The following NKAIN2 variants were observed in gnomAD, a reference collection of about 807,000 sequenced individuals.
NKAIN2 encodes sodium/potassium transporting ATPase interacting 2.
A neutral mutation model predicts 32.6 loss-of-function variants in NKAIN2; 14 were observed. That is an observed-to-expected ratio of 0.43 (90% CI 0.28 to 0.67). NKAIN2 has a LOEUF of 0.67. NKAIN2 is among the 30% of genes least tolerant of loss of function. NKAIN2 has a pLI of 0.17. For synonymous variants in NKAIN2, 80 were observed against 87.2 expected (o/e 0.92, Z 0.46); for missense variants, 198 against 258.3 (o/e 0.77, Z 1.60).
intron 1 of NKAIN2, among the ~76,000 whole-genome samples, chr6:124,217,526 A>C (rs1015378918): frequency 1.3e-5 from 2 of 152,030 alleles, no homozygotes; most frequent in African/African-American, 2.4e-5. Flanking sequence ...ATTGTATTTT[A>C]TGTCATTGAT....
chr6:124,739,539 C>T (rs538958541), intron 4 of NKAIN2, among the ~76,000 whole-genome samples: 42 of 151,912 alleles, frequency 2.8e-4, no homozygotes, highest in African/African-American at 8.2e-4. Flanking sequence ...GAGATGTTAC[C>T]TGATAAAGAT....
intron 3 of NKAIN2, among the ~76,000 whole-genome samples, chr6:124,502,613 C>G (rs1778336262): frequency 6.6e-6 from 1 of 152,158 alleles, no homozygotes; most frequent in Non-Finnish European, 1.5e-5. Flanking sequence ...TTCATGATAT[C>G]AGCTGGTATA....
intron 1 of NKAIN2, among the ~76,000 whole-genome samples, chr6:124,203,505 A>T (rs1171911572): frequency 1.3e-5 from 2 of 151,856 alleles, no homozygotes; most frequent in Admixed American, 6.6e-5. Context: ...AATTTTTAAA[A>T]TTTTTTTCCA....
At chr6:124,444,485 TAA>T (rs1775812071) in intron 3 of NKAIN2, among the ~76,000 whole-genome samples, 1 of 152,032 alleles carries the variant, frequency 6.6e-6, no homozygotes, top group South Asian at 2.1e-4. Context: ...AATATGCCTT[TAA>T]ACATAAGACA....
At chr6:124,646,460 TAGAA>T (rs1784172493) in intron 3 of NKAIN2, among the ~76,000 whole-genome samples, 4 of 151,924 alleles carry the variant, frequency 2.6e-5, no homozygotes, top group Non-Finnish European at 4.4e-5. Context: ...CCTGTAGTAA[TAGAA>T]AGAGTGGAAG....
chr6:124,689,472 T>C (rs1014592275), intron 4 of NKAIN2, among the ~76,000 whole-genome samples: 4 of 152,146 alleles, frequency 2.6e-5, no homozygotes, highest in African/African-American at 9.7e-5. Context: ...ATGAAAAGCA[T>C]CTTGTTAATT....
chr6:123,859,765 A>G (rs1430392595), intron 1 of NKAIN2, among the ~76,000 whole-genome samples: 1 of 152,130 alleles, frequency 6.6e-6, no homozygotes, highest in Non-Finnish European at 1.5e-5. Context: ...ATCTTGGCTC[A>G]TTGCAACCTC....
chr6:123,910,761 C>T (rs1190109446), intron 1 of NKAIN2, among the ~76,000 whole-genome samples: 2 of 151,906 alleles, frequency 1.3e-5, no homozygotes, highest in Non-Finnish European at 2.9e-5. Context: ...GCCTTAGCCT[C>T]CCAAAGTGCT....
intron 4 of NKAIN2, among the ~76,000 whole-genome samples, chr6:124,789,105 G>T (rs2114802438): frequency 6.6e-6 from 1 of 152,158 alleles, no homozygotes; most frequent in South Asian, 2.1e-4. Context: ...TAAGCAGAAT[G>T]CAGTGCAGTG....
At chr6:124,125,159 A>G (rs1786095875) in intron 1 of NKAIN2, among the ~76,000 whole-genome samples, 1 of 152,106 alleles carries the variant, frequency 6.6e-6, no homozygotes, top group East Asian at 1.9e-4. Flanking sequence ...TAAATAAACA[A>G]ATGTATACAA....
intron 1 of NKAIN2, among the ~76,000 whole-genome samples, chr6:123,956,673 C>T (rs1300135694): frequency 6.6e-6 from 1 of 152,146 alleles, no homozygotes; most frequent in Admixed American, 6.5e-5. Flanking sequence ...GTGGGGATAT[C>T]CCCTCCATTG....
At chr6:124,299,555 A>G (rs912620717) in intron 2 of NKAIN2, among the ~76,000 whole-genome samples, 3 of 152,180 alleles carry the variant, frequency 2.0e-5, no homozygotes, top group Non-Finnish European at 4.4e-5. Context: ...AGGAAGATAA[A>G]AACATTTATT....
intron 1 of NKAIN2, among the ~76,000 whole-genome samples, chr6:124,046,494 A>G (rs1370849553): frequency 6.6e-6 from 1 of 152,030 alleles, no homozygotes. Context: ...AGAGTTTCCC[A>G]AACTCTTTTG....
At chr6:124,311,336 G>A (rs1796703143) in intron 2 of NKAIN2, among the ~76,000 whole-genome samples, 1 of 152,048 alleles carries the variant, frequency 6.6e-6, no homozygotes, top group Non-Finnish European at 1.5e-5. Flanking sequence ...TACACAAGGA[G>A]GAAAATGCCA....
At chr6:124,177,113 A>G (rs1389859613) in intron 1 of NKAIN2, among the ~76,000 whole-genome samples, 1 of 152,124 alleles carries the variant, frequency 6.6e-6, no homozygotes, top group Non-Finnish European at 1.5e-5. Context: ...ATTTTTTGAA[A>G]ATTTGACAAA....
Position 124,025,460 on chromosome 6 carries a change from A to G in NKAIN2, c.54+221206A>G, listed in dbSNP as rs1246415290. ...AGATGAGAAGCAATGAATGGAAAGG[A>G]AAAAAAAAAAATGAACAAACAAAAT... On this transcript the variant is annotated intron_variant, in intron 1 of 6. Transcript: ENST00000368417. Among the ~76,000 whole-genome samples the G allele has an allele frequency of 1.6e-4, 4 of 25,024 alleles. No individual in the cohort carries two copies. In the African/African-American group the frequency reaches 1.6e-3, roughly 10 times the overall value. The allele number at this position is 25,024 out of a possible 152,430, so 16.4% of individuals were successfully genotyped here.
intron 1 of NKAIN2, among the ~76,000 whole-genome samples, chr6:124,188,113 C>G (rs1789834858): frequency 6.6e-6 from 1 of 152,140 alleles, no homozygotes; most frequent in East Asian, 1.9e-4. Flanking sequence ...TGAAAATGCG[C>G]CACAGTTCTA....
At chr6:123,824,935 C>T (rs1774084827) in intron 1 of NKAIN2, among the ~76,000 whole-genome samples, 1 of 152,040 alleles carries the variant, frequency 6.6e-6, no homozygotes, top group African/African-American at 2.4e-5. Context: ...TTTTGAAAGG[C>T]TTCCAATCTG....
chr6:124,370,951 A>G (rs180900571), intron 3 of NKAIN2, among the ~76,000 whole-genome samples: 1 of 152,270 alleles, frequency 6.6e-6, no homozygotes, highest in East Asian at 1.9e-4. Context: ...CAAGTAATCC[A>G]TTGAGAAATT....
Sources: allele counts gnomAD v4.1 joint callset (sites outside exome capture counted in the v4.1 genomes callset), GRCh38; gene constraint gnomAD v4.1.1; transcripts MANE v1.5; gene names NCBI Gene and HGNC (gene_info 2026-07-23, HGNC 2026-07-21).